Variants in ITGA7 observed in about 807,000 individuals in gnomAD.
The protein encoded by ITGA7 is integrin alpha-7.
Under a neutral mutation model 131.6 loss-of-function variants are expected in ITGA7, and 84 were observed. The observed-to-expected ratio is 0.64, with a 90% confidence interval of 0.54 to 0.77. ITGA7 has a LOEUF of 0.77. Among genes scored for constraint, ITGA7 ranks in the 30% least tolerant of loss-of-function variants. ITGA7 has a pLI of 0.00. For missense variants in ITGA7, 1,399 were observed against 1,482.9 expected (o/e 0.94, Z 0.93); for synonymous variants, 548 against 600.7 (o/e 0.91, Z 1.28).
In ITGA7 at chr12:55,685,165, T is replaced by A; in HGVS notation, c.3307A>T (p.Asn1103Tyr). 6.2e-7 allele frequency: 1 copy of A among 1,614,108 alleles called. No individual in the cohort carries two copies. Among genetic ancestry groups the A allele is most frequent in the Non-Finnish European group, 8.5e-7 (1 of 1,180,014 alleles). ...EEKTGTILRN[N>Y]WGSPRREGPD... The stretch of plus-strand genomic sequence containing the variant: ...CCCTCCCGCCGGGGGCTGCCCCAGT[T>A]GTTCCTCAGGATGGTGCCCGTCTTC... The change falls in exon 25 of 25, where the codon AAC (asparagine) becomes TAC (tyrosine). Residue 1103 changes from asparagine to tyrosine, a missense_variant. By Grantham distance (143) the Asn-to-Tyr change is moderately radical. Coordinates refer to ENST00000257879, the MANE Select transcript of ITGA7 (RefSeq NM_002206.3).
intron 21 of ITGA7, among the ~76,000 whole-genome samples, chr12:55,691,329 G>A (rs549809139): frequency 6.6e-6 from 1 of 151,996 alleles, no homozygotes; most frequent in Non-Finnish European, 1.5e-5. Context: ...GTGTGGCTGG[G>A]GAGATGGAGG....
rs772845920 is a variant in ITGA7 at position 55,694,461 on chromosome 12, A to G, written c.2339T>C (p.Val780Ala). 6.2e-7 allele frequency: 1 copy of G among 1,614,082 alleles called. No homozygotes were observed. The change falls in exon 17 of 25, where the codon GTA (valine) becomes GCA (alanine). Residue 780 changes from valine to alanine, a missense_variant. By Grantham distance (64) the Val-to-Ala change is moderately conservative. Transcript: ENST00000257879. This position sits in a 1 kb window ranked among gnomAD's most constrained non-coding sequence, Gnocchi z 5.3. Reference protein sequence around the residue: ...GISIETTELEVELLLATISEQ... With the variant: ...GISIETTELEAELLLATISEQ... ...GGCTTACGTGGCCAACAGCAGCTCTACCTCCAGTTCCGTGGTCTCAATGCT... is the reference window on the plus strand; with the variant it reads ...GGCTTACGTGGCCAACAGCAGCTCTGCCTCCAGTTCCGTGGTCTCAATGCT...
At chr12:55,704,407 A>G (rs1874751974) in intron 1 of ITGA7, among the ~76,000 whole-genome samples, 1 of 152,244 alleles carries the variant, frequency 6.6e-6, no homozygotes. Context: ...TATAGGGAGT[A>G]GTAGAGAAGA....
intron 3 of ITGA7, among the ~76,000 whole-genome samples, chr12:55,702,607 CT>C (rs1188135618): frequency 1.3e-5 from 2 of 152,204 alleles, no homozygotes; most frequent in Non-Finnish European, 2.9e-5. Flanking sequence ...GAGCCTTCCC[CT>C]GTAGTAACTA....
rs200390529 is a variant in ITGA7, at chr12:55,685,204, G to A, written c.3268C>T (p.Gln1090Ter). The change falls in exon 25 of 25, where the codon CAG becomes TAG. Residue 1090 changes from glutamine to a stop codon, truncating the protein, a stop_gained. Transcript: ENST00000257879. LOFTEE classifies it high-confidence loss of function. ...AVKIPREDRQQFKEEKTGTIL... is the reference protein window; with the variant it reads ...AVKIPREDRQ ...GTGCCCGTCTTCTCCTCCTTGAACTGCTGTCGGTCTTCCCGAGGAATCTTC... is the reference window on the plus strand; with the variant it reads ...GTGCCCGTCTTCTCCTCCTTGAACTACTGTCGGTCTTCCCGAGGAATCTTC... The A allele has an allele frequency of 2.1e-4, 346 of 1,614,194 alleles. 1 individual carries two copies. Among genetic ancestry groups the A allele is most frequent in the Middle Eastern group, 9.9e-4 (6 of 6,062 alleles).
intron 24 of ITGA7, among the ~76,000 whole-genome samples, chr12:55,687,175 T>C (rs1870357286): frequency 7.3e-6 from 1 of 136,942 alleles, no homozygotes; most frequent in African/African-American, 2.8e-5. Context: ...ATTTCTTTTT[T>C]TTTTTTTTTT....
chr12:55,695,457 A>G, intron 14 of ITGA7, 65 bp downstream of exon 14: 1 of 1,113,740 alleles, frequency 9.0e-7, no homozygotes, highest in Non-Finnish European at 1.4e-6. Context: ...TCCTCCTGAG[A>G]GGGCTTTCTC....
rs940004287 is a variant in ITGA7, at chr12:55,697,437, C to T, written c.1505+14G>A. The T allele has an allele frequency of 3.1e-6, 5 of 1,612,270 alleles. No individual in the cohort carries two copies. Among genetic ancestry groups the T allele is most frequent in the South Asian group, 2.2e-5 (2 of 91,026 alleles). The stretch of plus-strand genomic sequence containing the variant: ...AAGCTGCCAGGGTCCAGGTGCCACC[C>T]GATCCCACCTCACCAGACCGAGTGG... On this transcript the variant is annotated intron_variant, in intron 10 of 24. Coordinates refer to ENST00000257879, the MANE Select transcript of ITGA7 (RefSeq NM_002206.3).
rs946943438 is a variant in ITGA7 at position 55,700,005 on chromosome 12, T to C, written c.671-16A>G. On this transcript the variant is annotated splice_polypyrimidine_tract_variant and intron_variant, in intron 4 of 24. Coordinates refer to ENST00000257879, the MANE Select transcript of ITGA7 (RefSeq NM_002206.3). ...AAAAGCAACCCTGTGGGGGGTGGGG[T>C]GAGACACCAGGGAGGGGACATCCAG... 9 of 1,612,556 alleles carry C rather than the reference T, an allele frequency of 5.6e-6. No homozygotes were observed. The highest frequency in any genetic ancestry group is 6.8e-6 in the Non-Finnish European group (8 of 1,179,622).
chr12:55,701,581 T>C (rs1346804444), intron 3 of ITGA7, among the ~76,000 whole-genome samples: 3 of 94,994 alleles, frequency 3.2e-5, no homozygotes, highest in Non-Finnish European at 5.5e-5. Flanking sequence ...CTCCAAGTAT[T>C]ACTTTTTTTT....
At position 55,701,051 on chromosome 12, in the gene ITGA7, C is replaced by A; in HGVS notation, c.518G>T (p.Arg173Leu). The change falls in exon 4 of 25, where the codon CGG becomes CTG. Residue 173 changes from arginine (R) to leucine (L), a missense_variant. Transcript: ENST00000257879. The stretch of plus-strand genomic sequence containing the variant: ...CCATTCCCCACCATCCAACTCATCC[C>A]GGATGGCCAGGTCCTGGCTGAGCAC... ...CFVLSQDLAIRDELDGGEWKF... is the reference protein window; with the variant it reads ...CFVLSQDLAILDELDGGEWKF... 5 of 1,614,212 alleles carry A rather than the reference C, an allele frequency of 3.1e-6. No homozygotes were observed. Among genetic ancestry groups the A allele is most frequent in the Non-Finnish European group, 4.2e-6 (5 of 1,180,038 alleles).
chr12:55,711,265 G>A (rs1401963730), upstream of ITGA7, among the ~76,000 whole-genome samples: 3 of 152,106 alleles, frequency 2.0e-5, no homozygotes, highest in African/African-American at 4.8e-5. Context: ...ATCACTTGAG[G>A]TCAGGAGTTT....
chr12:55,698,511 A>G lies in ITGA7; in HGVS notation c.1064T>C (p.Val355Ala), dbSNP rs1476977532. The G allele has an allele frequency of 6.2e-7, 1 of 1,613,930 alleles. No individual in the cohort carries two copies. The highest frequency in any genetic ancestry group is 1.3e-5 in the African/African-American group (1 of 74,876). The change falls in exon 7 of 25, where the codon GTG (valine) becomes GCG (alanine). Residue 355 changes from valine (V) to alanine (A), a missense_variant. By Grantham distance (64) the Val-to-Ala change is moderately conservative. Coordinates refer to ENST00000257879, the MANE Select transcript of ITGA7 (RefSeq NM_002206.3). ...ACCCCCCTGGTTCAAGTACACATAC[A>G]CAGCACCCCCCAGCTCTTCTTGGCG... ...FERQEELGGA[V>A]YVYLNQGGHW...
chr12:55,707,980 T>G (rs549619133), upstream of ITGA7: 1 of 1,284,426 alleles, frequency 7.8e-7, no homozygotes, highest in Non-Finnish European at 9.9e-7. Context: ...CCGCGGCAGG[T>G]GGAGACCCAA....
intron 22 of ITGA7, among the ~76,000 whole-genome samples, 172 bp from the exon 23 acceptor site, chr12:55,688,472 C>A (rs1870726273): frequency 6.6e-6 from 1 of 152,130 alleles, no homozygotes; most frequent in South Asian, 2.1e-4. Context: ...CACCTGTAAT[C>A]CCAGCACTTT....
intron 24 of ITGA7, among the ~76,000 whole-genome samples, chr12:55,685,681 C>G (rs17117860): frequency 0.067 from 10,159 of 152,292 alleles, 473 homozygotes; most frequent in African/African-American, 0.12. Flanking sequence ...TCCCCTGCAT[C>G]TCTGGAATGA....
At chr12:55,692,441 T>A (rs1303000740) in intron 21 of ITGA7, among the ~76,000 whole-genome samples, 1 of 152,198 alleles carries the variant, frequency 6.6e-6, no homozygotes, top group Admixed American at 6.5e-5. Flanking sequence ...AACTTAACAT[T>A]TTTAATACTG....
At chr12:55,697,851 A>T (rs1872995090) in intron 8 of ITGA7, 29 bp from the exon 9 acceptor site, 3 of 1,613,966 alleles carry the variant, frequency 1.9e-6, no homozygotes, top group Non-Finnish European at 2.5e-6. Flanking sequence ...GCCTCCCTCA[A>T]TCCCACCTCC....
Position 55,697,153 on chromosome 12 carries a change from C to T in ITGA7, c.1567+63G>A. 3.8e-6 allele frequency: 6 copies of T among 1,574,232 alleles called. No individual in the cohort carries two copies. In the South Asian group the frequency reaches 6.9e-5, roughly 18 times the overall value. On this transcript the variant is annotated intron_variant, in intron 11 of 24. Transcript: ENST00000257879. ...TTCCAAGGGTGCTCTTCTACCACCT[C>T]GAAGTGACCCCCCTCCCTGGGAAAC...
Sources: allele counts gnomAD v4.1 joint callset (sites outside exome capture counted in the v4.1 genomes callset), GRCh38; gene constraint gnomAD v4.1.1; non-coding constraint Gnocchi (gnomAD v3.1); transcripts MANE v1.5; gene names NCBI Gene and HGNC (gene_info 2026-07-23, HGNC 2026-07-21).